REDIC1: variants seen among roughly 807,000 people sequenced by gnomAD.
The protein encoded by REDIC1 is HEI10 Interacting Protein 1.
the REDIC1 span, among the ~76,000 whole-genome samples, chr12:39,690,824 G>A: frequency 6.6e-5 from 10 of 152,144 alleles, no homozygotes; most frequent in African/African-American, 2.4e-4. Flanking sequence ...CCATCCTGGA[G>A]GATGGAGGAC....
At chr12:39,647,961 AAAAG>A in the REDIC1 span, 1 of 1,559,776 alleles carries the variant, frequency 6.4e-7, no homozygotes, top group African/African-American at 1.4e-5. Flanking sequence ...GCATATGAAA[AAAAG>A]CAGAATGACC....
At chr12:39,672,535 C>A in the REDIC1 span, among the ~76,000 whole-genome samples, 3 of 152,126 alleles carry the variant, frequency 2.0e-5, no homozygotes. Context: ...TCAGCGCATG[C>A]ACAAGTTTGT....
At chr12:39,655,528 G>A in the REDIC1 span, among the ~76,000 whole-genome samples, 1 of 152,126 alleles carries the variant, frequency 6.6e-6, no homozygotes, top group Non-Finnish European at 1.5e-5. Flanking sequence ...ATGACCTCAG[G>A]TCTGGGAGTT....
the REDIC1 span, among the ~76,000 whole-genome samples, chr12:39,871,257 T>C: frequency 6.6e-6 from 1 of 152,178 alleles, no homozygotes. Flanking sequence ...TTTGCTATCA[T>C]AGAAAATACA....
At chr12:39,713,779 G>C in the REDIC1 span, among the ~76,000 whole-genome samples, 2 of 146,882 alleles carry the variant, frequency 1.4e-5, no homozygotes, top group African/African-American at 5.0e-5. Flanking sequence ...ATATTTGTAC[G>C]TAAATATACA....
At chr12:39,881,312 T>A in the REDIC1 span, among the ~76,000 whole-genome samples, 3 of 151,988 alleles carry the variant, frequency 2.0e-5, no homozygotes, top group Non-Finnish European at 4.4e-5. Context: ...GATGACAATA[T>A]GAGTGTGGTT....
chr12:39,849,431 T>G, the REDIC1 span, among the ~76,000 whole-genome samples: 1 of 152,104 alleles, frequency 6.6e-6, no homozygotes, highest in African/African-American at 2.4e-5. Flanking sequence ...GCCTCTTATT[T>G]GTGAGACAGA....
chr12:39,691,161 G>C, the REDIC1 span, among the ~76,000 whole-genome samples: 1 of 152,164 alleles, frequency 6.6e-6, no homozygotes, highest in East Asian at 1.9e-4. Flanking sequence ...TATGGACCAG[G>C]ACCGGCAGTA....
chr12:39,845,274 C>T, the REDIC1 span, among the ~76,000 whole-genome samples: 4 of 151,650 alleles, frequency 2.6e-5, no homozygotes, highest in African/African-American at 9.7e-5. Context: ...TTTTTGGGAC[C>T]CATTTGTGCT....
the REDIC1 span, chr12:39,646,820 T>C: frequency 6.7e-7 from 1 of 1,486,762 alleles, no homozygotes; most frequent in Non-Finnish European, 9.3e-7. Context: ...ATTTTTAACC[T>C]AAATTTTTCT....
chr12:39,640,931 A>C, the REDIC1 span: 1 of 1,598,202 alleles, frequency 6.3e-7, no homozygotes, highest in Non-Finnish European at 8.6e-7. Context: ...ATCACTATAT[A>C]TTTTATTCTG....
At chr12:39,751,637 G>T in the REDIC1 span, among the ~76,000 whole-genome samples, 4 of 152,108 alleles carry the variant, frequency 2.6e-5, no homozygotes, top group African/African-American at 9.7e-5. Context: ...CAATAGCAAA[G>T]ACTTGAAACC....
chr12:39,827,463 C>T, the REDIC1 span, among the ~76,000 whole-genome samples: 1 of 152,192 alleles, frequency 6.6e-6, no homozygotes, highest in African/African-American at 2.4e-5. Flanking sequence ...GCATTAAAAA[C>T]TCTAACCTCT....
At chr12:39,830,410 G>T in the REDIC1 span, 4 of 1,322,502 alleles carry the variant, frequency 3.0e-6, no homozygotes, top group African/African-American at 5.9e-5. Flanking sequence ...TGGTCTCTTC[G>T]ATTTCTCCCT....
chr12:39,743,239 G>A, the REDIC1 span, among the ~76,000 whole-genome samples: 2 of 152,198 alleles, frequency 1.3e-5, no homozygotes, highest in South Asian at 4.2e-4. Flanking sequence ...AATACCCAAC[G>A]CCAGCCTACT....
chr12:39,906,968 G>C, the REDIC1 span, among the ~76,000 whole-genome samples: 2 of 152,014 alleles, frequency 1.3e-5, no homozygotes, highest in African/African-American at 4.8e-5. Flanking sequence ...AAAATCAGTT[G>C]CTCCAATTTT....
the REDIC1 span, among the ~76,000 whole-genome samples, chr12:39,820,748 T>C: frequency 1.1e-4 from 1 of 8,920 alleles, no homozygotes; most frequent in Non-Finnish European, 1.7e-4. Flanking sequence ...TATATATATA[T>C]ATATATATAT....
the REDIC1 span, among the ~76,000 whole-genome samples, chr12:39,713,629 C>G: frequency 2.1e-5 from 3 of 146,142 alleles, no homozygotes; most frequent in South Asian, 6.5e-4. Flanking sequence ...CGCATGTATA[C>G]AGTACATATG....
chr12:39,635,200 G>A, the REDIC1 span, among the ~76,000 whole-genome samples: 13 of 152,158 alleles, frequency 8.5e-5, no homozygotes, highest in Non-Finnish European at 1.5e-4. Flanking sequence ...TGGTGGGAGT[G>A]TAAATTAGTT....
Sources: allele counts gnomAD v4.1 joint callset (sites outside exome capture counted in the v4.1 genomes callset), GRCh38; gene constraint gnomAD v4.1.1; transcripts MANE v1.5; gene names NCBI Gene and HGNC (gene_info 2026-07-23, HGNC 2026-07-21).